NENF: variants seen among roughly 807,000 people sequenced by gnomAD.
NENF encodes neudesin neurotrophic factor.
NENF carries 6 observed loss-of-function variants against 14.8 expected under a neutral mutation model. The ratio of observed to expected loss-of-function variants is 0.40; its 90% confidence interval spans 0.22 to 0.80. The LOEUF is 0.80. Ranked by LOEUF, NENF falls within the 30% of genes least tolerant of loss-of-function variation. NENF has a pLI of 0.34. For missense variants in NENF, 184 were observed against 212.7 expected, an observed-to-expected ratio of 0.87 and a Z score of 0.84; for synonymous variants, 76 against 95.1, an observed-to-expected ratio of 0.80 and a Z score of 1.17.
chr1:212,433,025 A>C lies in NENF; in HGVS notation c.82A>C (p.Thr28Pro). ...CCTGGCGCTGGCCCCGGGGCTGCCC[A>C]CAGCCCGGGCCGGGCAGACACCGCG... Reference protein sequence around the residue: ...LVLALAPGLPTARAGQTPRPA... With the variant: ...LVLALAPGLPPARAGQTPRPA... The change falls in exon 1 of 4, where the codon ACA becomes CCA. Residue 28 changes from threonine to proline, a missense_variant. Thr to Pro is a conservative substitution (Grantham distance 38). Transcript: ENST00000366988. This position sits in a 1 kb window ranked among gnomAD's most constrained non-coding sequence, Gnocchi z 5.5. 5 of 1,177,312 alleles carry C rather than the reference A, an allele frequency of 4.2e-6. No individual in the cohort carries two copies. In the South Asian group the frequency reaches 2.1e-4, roughly 49 times the overall value. The allele number at this position is 1,177,312 out of a possible 1,614,324, so 72.9% of individuals were successfully genotyped here.
intron 1 of NENF, among the ~76,000 whole-genome samples, chr1:212,435,737 G>A (rs1662593059): frequency 6.6e-6 from 1 of 151,482 alleles, no homozygotes; most frequent in African/African-American, 2.4e-5. Flanking sequence ...TAGAGATGGG[G>A]TCTTCCTGTG....
Position 212,445,857 on chromosome 1 carries a change from G to T in NENF, c.370G>T (p.Ala124Ser). Residue 124 changes from alanine to serine, a missense_variant, in exon 4 of 4, where the codon GCC becomes TCC. Transcript: ENST00000366988. ...GGGTCTCACGGCCAAGGAACTGGAG[G>T]CCCTGGATGAGGTCTTCACCAAAGT... is the stretch of plus-strand genomic sequence containing the variant. ...TTGLTAKELE[A>S]LDEVFTKVYK... 1 of 1,614,186 alleles carries T rather than the reference G, an allele frequency of 6.2e-7. No homozygotes were observed. Among genetic ancestry groups the T allele is most frequent in the African/African-American group, 1.3e-5 (1 of 75,030 alleles).
intron 1 of NENF, among the ~76,000 whole-genome samples, chr1:212,438,899 C>T (rs1478367990): frequency 6.6e-6 from 1 of 152,074 alleles, no homozygotes; most frequent in Non-Finnish European, 1.5e-5. Flanking sequence ...GCCACCATGC[C>T]TGGCTGTTTC....
At position 212,446,161 on chromosome 1, in the gene NENF, T is replaced by C; in HGVS notation, c.*155T>C. The C allele has an allele frequency of 1.4e-6, 1 of 727,974 alleles. No individual in the cohort carries two copies. The highest frequency in any genetic ancestry group is 2.2e-6 in the Non-Finnish European group (1 of 449,260). 45.1% of individuals were successfully genotyped at this position (727,974 alleles called of 1,614,324 possible). A position where few individuals can be genotyped will look rare whatever the true frequency, so the allele number is the denominator to read the frequency against. ...GAAGAGCAAATGCCTCCTGTTGTCC[T>C]TGGTCAGGGGTTCTGTCTACCTGGG... is the stretch of plus-strand genomic sequence containing the variant. On this transcript the variant is annotated 3_prime_UTR_variant, in exon 4 of 4. Coordinates refer to ENST00000366988, the MANE Select transcript of NENF (RefSeq NM_013349.5).
At chr1:212,438,128 G>A (rs74140013) in intron 1 of NENF, among the ~76,000 whole-genome samples, 5,520 of 152,288 alleles carry the variant, frequency 0.036, 197 homozygotes, top group East Asian at 0.13. Context: ...TATAAAGTGA[G>A]TGTGTTGAAC....
intron 1 of NENF, among the ~76,000 whole-genome samples, chr1:212,436,607 C>G (rs946273527): frequency 6.6e-6 from 1 of 152,162 alleles, no homozygotes; most frequent in Admixed American, 6.5e-5. Context: ...TGTACCCAGC[C>G]TTGTTAAGGT....
chr1:212,433,040 C>A lies in NENF; in HGVS notation c.97C>A (p.Gln33Lys). The A allele has an allele frequency of 3.4e-6, 4 of 1,186,138 alleles. No individual in the cohort carries two copies. The highest frequency in any genetic ancestry group is 4.2e-6 in the Non-Finnish European group (4 of 958,354). The allele number at this position is 1,186,138 out of a possible 1,614,324, so 73.5% of individuals were successfully genotyped here. The change falls in exon 1 of 4, where the codon CAG becomes AAG. Residue 33 changes from glutamine to lysine, a missense_variant. Physicochemically the swap from Gln to Lys is moderately conservative, Grantham distance 53 (BLOSUM62 1). Coordinates refer to ENST00000366988, the MANE Select transcript of NENF (RefSeq NM_013349.5). The surrounding 1 kb of genome is among the most constrained non-coding windows in gnomAD (Gnocchi z 5.5). ...GGGGCTGCCCACAGCCCGGGCCGGG[C>A]AGACACCGCGCCCTGCCGAGCGGGG... ...APGLPTARAG[Q>K]TPRPAERGPP...
At chr1:212,442,962 T>G (rs934229301) in intron 2 of NENF, among the ~76,000 whole-genome samples, 2 of 152,090 alleles carry the variant, frequency 1.3e-5, no homozygotes, top group African/African-American at 2.4e-5. Context: ...AGGCTGGTCT[T>G]GAACTTCTGA....
intron 1 of NENF, among the ~76,000 whole-genome samples, chr1:212,434,454 C>T (rs1269730978): frequency 6.6e-6 from 1 of 152,210 alleles, no homozygotes. Flanking sequence ...GCAGAGGGTG[C>T]CCCATGTGAC....
In NENF at chr1:212,444,323, T is replaced by C; in HGVS notation, c.239-16T>C. ...GTAAACCCACGCTTACGTCTCTTCC[T>C]TCCTTCCCACTACAGAGTTTTATGG... On this transcript the variant is annotated splice_polypyrimidine_tract_variant and intron_variant, in intron 2 of 3. Transcript: ENST00000366988. The C allele has an allele frequency of 6.4e-7, 1 of 1,559,438 alleles. No homozygotes were observed. Among genetic ancestry groups the C allele is most frequent in the Non-Finnish European group, 8.7e-7 (1 of 1,145,280 alleles).
At chr1:212,439,185 G>A (rs943351064) in intron 1 of NENF, among the ~76,000 whole-genome samples, 7 of 151,960 alleles carry the variant, frequency 4.6e-5, no homozygotes, top group East Asian at 1.9e-4. Flanking sequence ...CTTCCTCTTC[G>A]CACTTACACC....
rs923998324 is a variant in NENF at position 212,433,603 on chromosome 1, T to TC, written c.177+486dup. On this transcript the variant is annotated intron_variant, in intron 1 of 3. Coordinates refer to ENST00000366988, the MANE Select transcript of NENF (RefSeq NM_013349.5). This position sits in a 1 kb window ranked among gnomAD's most constrained non-coding sequence, Gnocchi z 5.5. ...TGCACTTCCTTTTCCTGCCCCTGTA[T>TC]CCCAGGCCTCTGCATCGGACTCCTC... 1.3e-5 allele frequency among the ~76,000 whole-genome samples: 2 copies of TC among 151,918 alleles called. No individual in the cohort carries two copies. The highest frequency in any genetic ancestry group is 2.4e-5 in the African/African-American group (1 of 41,356).
chr1:212,434,501 G>T (rs1662573685), intron 1 of NENF, among the ~76,000 whole-genome samples: 1 of 152,202 alleles, frequency 6.6e-6, no homozygotes, highest in African/African-American at 2.4e-5. Flanking sequence ...TGAGTCTAAT[G>T]GGCATCTCTA....
chr1:212,433,527 C>G lies in NENF; in HGVS notation c.177+407C>G, dbSNP rs1430072908. 6.6e-6 allele frequency among the ~76,000 whole-genome samples: 1 copy of G among 152,014 alleles called. No homozygotes were observed. Among genetic ancestry groups the G allele is most frequent in the South Asian group, 2.1e-4 (1 of 4,826 alleles). ...GGAGGGAGGGAAGCAGAGCCTGCTC[C>G]CTGGGTTAGGTGGGAATTGAGACAG... On this transcript the variant is annotated intron_variant, in intron 1 of 3. Transcript: ENST00000366988. This position sits in a 1 kb window ranked among gnomAD's most constrained non-coding sequence, Gnocchi z 5.5.
At chr1:212,442,126 C>T (rs1006239639) in intron 1 of NENF, among the ~76,000 whole-genome samples, 2 of 152,200 alleles carry the variant, frequency 1.3e-5, no homozygotes, top group Non-Finnish European at 2.9e-5. Flanking sequence ...ATTCTCCAGC[C>T]TCAGACTCGC....
chr1:212,444,606 A>G (rs1250480415), intron 3 of NENF, among the ~76,000 whole-genome samples, 164 bp downstream of exon 3: 1 of 146,376 alleles, frequency 6.8e-6, no homozygotes, highest in Non-Finnish European at 1.5e-5. Flanking sequence ...TAGCTTATTT[A>G]CCCTTCGGTC....
chr1:212,432,928 G>C lies in NENF; in HGVS notation c.-16G>C, dbSNP rs1231937082. On this transcript the variant is annotated 5_prime_UTR_variant, in exon 1 of 4. Coordinates refer to ENST00000366988, the MANE Select transcript of NENF (RefSeq NM_013349.5). ...CGCCGCCCTGGCCCGGCCTTGCCTT[G>C]CGCTGCGCGCTCACCATGGTGGGCC... 1.5e-6 allele frequency: 1 copy of C among 682,950 alleles called. No homozygotes were observed. The highest frequency in any genetic ancestry group is 8.5e-5 in the East Asian group (1 of 11,718). The allele number at this position is 682,950 out of a possible 1,614,324, so 42.3% of individuals were successfully genotyped here.
intron 3 of NENF, among the ~76,000 whole-genome samples, chr1:212,444,921 C>G (rs1054847705): frequency 1.3e-5 from 2 of 152,090 alleles, no homozygotes; most frequent in Non-Finnish European, 1.5e-5. Flanking sequence ...GAAAGGTCTC[C>G]CTCTATGCTT....
At chr1:212,438,104 T>C (rs1571701625) in intron 1 of NENF, among the ~76,000 whole-genome samples, 2 of 152,350 alleles carry the variant, frequency 1.3e-5, no homozygotes, top group South Asian at 2.1e-4. Flanking sequence ...GGACCTCTTA[T>C]GTAGATAACA....
Sources: gnomAD v4.1 joint callset for allele counts (sites outside exome capture counted in the v4.1 genomes callset) on GRCh38, gnomAD v4.1.1 for gene constraint, Gnocchi (gnomAD v3.1) non-coding constraint, MANE v1.5 for transcripts, NCBI Gene and HGNC (gene_info 2026-07-23, HGNC 2026-07-21) for gene names.